The following LYSMD1 variants were observed in gnomAD, a reference collection of about 807,000 sequenced individuals.
LYSMD1 encodes lysM and putative peptidoglycan-binding domain-containing protein 1.
LYSMD1 carries 9 observed loss-of-function variants against 19.3 expected under a neutral mutation model. The observed-to-expected ratio is 0.47, with a 90% CI of 0.28 to 0.81. The LOEUF (loss-of-function observed/expected upper bound fraction) is 0.81, where lower values mean the gene tolerates loss of function less well. Among genes scored for constraint, LYSMD1 ranks in the 40% least tolerant of loss-of-function variants. The probability of loss-of-function intolerance (pLI) is 0.11; values close to 1 mark genes in which losing one functional copy is unlikely to be tolerated. For synonymous variants in LYSMD1, 111 were observed against 111.7 expected, an observed-to-expected ratio of 0.99 and a Z score of 0.04; for missense variants, 262 against 279.8, an observed-to-expected ratio of 0.94 and a Z score of 0.45.
downstream of LYSMD1, chr1:151,158,680 C>A (rs765453892): frequency 1.1e-5 from 17 of 1,557,772 alleles, no homozygotes; most frequent in Non-Finnish European, 1.2e-5. Context: ...TGACCACATA[C>A]CCCACTCTCC....
downstream of LYSMD1, chr1:151,158,986 G>A (rs1178927750): frequency 6.2e-7 from 1 of 1,614,282 alleles, no homozygotes; most frequent in Non-Finnish European, 8.5e-7. Context: ...GCTGCGGCAG[G>A]GTGCCATGAC....
At chr1:151,159,253 G>C (rs1160791499), downstream of LYSMD1, 3 of 1,609,282 alleles carry the variant, frequency 1.9e-6, no homozygotes, top group Admixed American at 3.3e-5. Context: ...GAAGCTCTGA[G>C]AGCCCTGAGC....
chr1:151,158,546 G>T, downstream of LYSMD1: 1 of 746,100 alleles, frequency 1.3e-6, no homozygotes, highest in Non-Finnish European at 2.2e-6. Context: ...AGGACTGAGG[G>T]GCCCCAGGGG....
chr1:151,164,994 G>C, intron 1 of LYSMD1, 85 bp downstream of exon 1: 1 of 1,157,390 alleles, frequency 8.6e-7, no homozygotes, highest in Non-Finnish European at 1.3e-6. Context: ...CATTTCAGGG[G>C]AGGTTACCTA....
the LYSMD1 span, among the ~76,000 whole-genome samples, chr1:151,150,250 C>T: frequency 6.6e-6 from 1 of 152,200 alleles, no homozygotes; most frequent in East Asian, 1.9e-4. Context: ...GCCACCATTC[C>T]CAGTCTTAAC....
At chr1:151,152,933 T>C in the LYSMD1 span, among the ~76,000 whole-genome samples, 1 of 152,156 alleles carries the variant, frequency 6.6e-6, no homozygotes, top group African/African-American at 2.4e-5. Flanking sequence ...AAGTGCAAAA[T>C]ATCTTCATTT....
Position 151,165,379 on chromosome 1 carries a change from T to C in LYSMD1, c.-121A>G, listed in dbSNP as rs1683641832. 3 of 1,467,966 alleles carry C rather than the reference T, an allele frequency of 2.0e-6. No individual in the cohort carries two copies. Among genetic ancestry groups the C allele is most frequent in the East Asian group, 2.4e-5 (1 of 41,492 alleles). 90.9% of individuals were successfully genotyped at this position (1,467,966 alleles called of 1,614,324 possible). On this transcript the variant is annotated 5_prime_UTR_variant, in exon 1 of 3. Transcript: ENST00000368908. ...ATTCCTTTCCCCCTCTCTCTTCCCC[T>C]GTGTCCCCGCCTCCCCAGCACTACG...
chr1:151,161,796 T>C lies in LYSMD1; in HGVS notation c.485A>G (p.Asp162Gly), dbSNP rs1683466428. 1 of 1,612,862 alleles carries C rather than the reference T, an allele frequency of 6.2e-7. No homozygotes were observed. The highest frequency in any genetic ancestry group is 1.3e-5 in the African/African-American group (1 of 74,804). The change falls in exon 2 of 3, where the codon GAT (aspartate) becomes GGT (glycine). Residue 162 changes from aspartate (D) to glycine (G), a missense_variant. Transcript: ENST00000368908. ...LSASDFLKKL[D>G]SQISLSKKAA... ...CTTCTTGGACAGGCTGATCTGTGAA[T>C]CAAGCTTCTTAAGGAAATCAGAGGC...
chr1:151,157,396 G>A (rs1683261039), downstream of LYSMD1, among the ~76,000 whole-genome samples: 1 of 152,184 alleles, frequency 6.6e-6, no homozygotes, highest in South Asian at 2.1e-4. Flanking sequence ...GCAGAGCAGA[G>A]GAGGGGGAAG....
chr1:151,161,973 T>A lies in LYSMD1; in HGVS notation c.308A>T (p.Lys103Ile). 6.2e-7 allele frequency: 1 copy of A among 1,614,184 alleles called. No homozygotes were observed. Among genetic ancestry groups the A allele is most frequent in the Non-Finnish European group, 8.5e-7 (1 of 1,180,032 alleles). The change falls in exon 2 of 3, where the codon AAA becomes ATA. Residue 103 changes from lysine (K) to isoleucine (I), a missense_variant. Transcript: ENST00000368908. ...TGGGTGTACTTTTTCCTCTCCATCT[T>A]TCTCTTCCTCAGAGTCCAAACCATT... ...LFNGLDSEEEKDGEEKVHPSN... is the reference protein window; with the variant it reads ...LFNGLDSEEEIDGEEKVHPSN...
chr1:151,159,769 T>A lies in LYSMD1; in HGVS notation c.*1113A>T. On this transcript the variant is annotated 3_prime_UTR_variant, in exon 3 of 3. Transcript: ENST00000368908. The stretch of plus-strand genomic sequence containing the variant: ...AATATGCACAGGGCTCAATGTTTAA[T>A]CTGTCCAGCTTCGTATACCTTATAA... 2.3e-5 allele frequency: 4 copies of A among 175,808 alleles called. No homozygotes were observed. Among genetic ancestry groups the A allele is most frequent in the East Asian group, 1.8e-4 (1 of 5,598 alleles). The allele number at this position is 175,808 out of a possible 1,614,324, so 10.9% of individuals were successfully genotyped here.
chr1:151,151,929 T>TAA, the LYSMD1 span, among the ~76,000 whole-genome samples: 5 of 129,196 alleles, frequency 3.9e-5, no homozygotes, highest in Non-Finnish European at 1.7e-5. Flanking sequence ...AACTCCATCT[T>TAA]AAAAAAAAAA....
intron 1 of LYSMD1, among the ~76,000 whole-genome samples, chr1:151,164,406 G>GT (rs1683580424): frequency 6.6e-6 from 1 of 152,182 alleles, no homozygotes; most frequent in Non-Finnish European, 1.5e-5. Flanking sequence ...GAGTGAGATG[G>GT]AACAAGAAAA....
chr1:151,154,581 C>T, the LYSMD1 span, among the ~76,000 whole-genome samples: 1 of 151,970 alleles, frequency 6.6e-6, no homozygotes, highest in African/African-American at 2.4e-5. Context: ...TAGCAGAATT[C>T]TGAATCCAGA....
rs79024247 is a variant in LYSMD1, at chr1:151,160,974, G to A, written c.592C>T (p.Gln198Ter). 1 of 1,614,192 alleles carries A rather than the reference G, an allele frequency of 6.2e-7. No individual in the cohort carries two copies. The highest frequency in any genetic ancestry group is 2.2e-5 in the East Asian group (1 of 44,880). The change falls in exon 3 of 3, where the codon CAG becomes TAG. Residue 198 changes from glutamine to a stop codon, truncating the protein, a stop_gained. Transcript: ENST00000368908. LOFTEE classifies it high-confidence loss of function. The part of the protein sequence containing the change: ...AGLHLSSPWM[Q>*]QRAVLGPVPL... ...ACAGGACCTAGGACTGCTCGTTGCTGCATCCAAGGGGAGCTCAGGTGGAGA... is the reference window on the plus strand; with the variant it reads ...ACAGGACCTAGGACTGCTCGTTGCTACATCCAAGGGGAGCTCAGGTGGAGA...
At chr1:151,157,592 T>G (rs1223626804), downstream of LYSMD1, among the ~76,000 whole-genome samples, 1 of 152,194 alleles carries the variant, frequency 6.6e-6, no homozygotes, top group Non-Finnish European at 1.5e-5. Context: ...TTAACCACAC[T>G]GGGAGCATTC....
the LYSMD1 span, among the ~76,000 whole-genome samples, chr1:151,150,733 TTTC>T: frequency 8.5e-3 from 1,238 of 145,864 alleles, 27 homozygotes; most frequent in African/African-American, 0.031. Context: ...TTTCTTTTCT[TTTC>T]TTTTTTTTTT....
downstream of LYSMD1, among the ~76,000 whole-genome samples, chr1:151,154,890 C>T (rs1243544363): frequency 1.3e-5 from 2 of 152,092 alleles, no homozygotes; most frequent in African/African-American, 2.4e-5. Flanking sequence ...GTGATCCGCC[C>T]ACCTCGGTGT....
chr1:151,149,098 A>G, the LYSMD1 span, among the ~76,000 whole-genome samples: 1 of 152,222 alleles, frequency 6.6e-6, no homozygotes, highest in Admixed American at 6.5e-5. Context: ...ACAAATCAAA[A>G]TGACTCTCTT....
Sources: gnomAD v4.1 joint callset for allele counts (sites outside exome capture counted in the v4.1 genomes callset) on GRCh38, gnomAD v4.1.1 for gene constraint, MANE v1.5 for transcripts, NCBI Gene and HGNC (gene_info 2026-07-23, HGNC 2026-07-21) for gene names.